SLC23A2: variants seen among roughly 807,000 people sequenced by gnomAD.
SLC23A2 encodes solute carrier family 23 member 2.
A neutral mutation model predicts 73.3 loss-of-function variants in SLC23A2; 36 were observed. The ratio of observed to expected loss-of-function variants is 0.49; its 90% CI spans 0.38 to 0.65. The LOEUF (loss-of-function observed/expected upper bound fraction) is 0.65, where lower values mean the gene tolerates loss of function less well. Ranked by LOEUF, SLC23A2 falls within the 30% of genes least tolerant of loss-of-function variation. SLC23A2 has a pLI of 0.00. For missense variants in SLC23A2, 507 were observed against 841.6 expected (o/e 0.60, Z 4.92); for synonymous variants, 343 against 327.3 (o/e 1.05, Z -0.52).
intron 4 of SLC23A2, among the ~76,000 whole-genome samples, chr20:4,910,744 A>C (rs1409967868): frequency 1.3e-5 from 2 of 152,142 alleles, no homozygotes; most frequent in African/African-American, 4.8e-5. Context: ...CCCAACTAGC[A>C]CTATTTAATA....
intron 6 of SLC23A2, among the ~76,000 whole-genome samples, chr20:4,891,781 G>A (rs530972827): frequency 5.9e-5 from 9 of 152,294 alleles, no homozygotes; most frequent in East Asian, 1.9e-4. Flanking sequence ...ACAGGGTATC[G>A]CTCTGTCACT....
intron 1 of SLC23A2, among the ~76,000 whole-genome samples, chr20:4,989,636 A>G (rs2087893148): frequency 8.2e-6 from 1 of 122,626 alleles, no homozygotes; most frequent in African/African-American, 2.7e-5. Flanking sequence ...TGATCTTGCC[A>G]CTATACTTCA....
intron 6 of SLC23A2, among the ~76,000 whole-genome samples, chr20:4,896,795 G>A (rs894056954): frequency 1.3e-5 from 2 of 152,196 alleles, no homozygotes; most frequent in Non-Finnish European, 2.9e-5. Flanking sequence ...ACAGCCCCGG[G>A]GGCGAGTCCC....
At chr20:4,974,263 G>C (rs1406004078) in intron 1 of SLC23A2, among the ~76,000 whole-genome samples, 1 of 151,992 alleles carries the variant, frequency 6.6e-6, no homozygotes, top group East Asian at 1.9e-4. Flanking sequence ...CTGAGGTCAG[G>C]AGTTGGTCAG....
intron 2 of SLC23A2, among the ~76,000 whole-genome samples, chr20:4,964,507 G>A (rs2122196608): frequency 6.6e-6 from 1 of 152,262 alleles, no homozygotes; most frequent in South Asian, 2.1e-4. Flanking sequence ...ATAGAGGACT[G>A]GTTGGTACAA....
Position 4,862,972 on chromosome 20 carries a change from TA to T in SLC23A2, c.1357-66del. 6.5e-7 allele frequency: 1 copy of T among 1,530,508 alleles called. No homozygotes were observed. The highest frequency in any genetic ancestry group is 8.9e-7 in the Non-Finnish European group (1 of 1,118,242). 94.8% of individuals were successfully genotyped at this position (1,530,508 alleles called of 1,614,324 possible). ...TCCATGCAAAATCACCGTAAGTTAC[TA>T]AAGAACACACAGCAGAGATACCCAT... is the stretch of plus-strand genomic sequence containing the variant. On this transcript the variant is annotated intron_variant, in intron 13 of 16. Transcript: ENST00000338244. The surrounding 1 kb of genome is among the most constrained non-coding windows in gnomAD (Gnocchi z 5.1).
At chr20:4,964,281 C>G (rs2087439219) in intron 2 of SLC23A2, among the ~76,000 whole-genome samples, 1 of 152,166 alleles carries the variant, frequency 6.6e-6, no homozygotes, top group African/African-American at 2.4e-5. Context: ...AGGCGTGAAC[C>G]ACTGCACCCA....
At chr20:5,007,504 C>T (rs924257775) in intron 1 of SLC23A2, among the ~76,000 whole-genome samples, 1 of 152,174 alleles carries the variant, frequency 6.6e-6, no homozygotes, top group Non-Finnish European at 1.5e-5. Flanking sequence ...GCGCACCAAC[C>T]TGGGCAATAG....
At chr20:4,962,087 T>C (rs2087400126) in intron 2 of SLC23A2, among the ~76,000 whole-genome samples, 1 of 150,784 alleles carries the variant, frequency 6.6e-6, no homozygotes, top group Admixed American at 6.6e-5. Flanking sequence ...AGGCTGGGAA[T>C]GGGATTGGAC....
chr20:4,975,207 C>T (rs1449813746), intron 1 of SLC23A2, among the ~76,000 whole-genome samples: 1 of 152,102 alleles, frequency 6.6e-6, no homozygotes, highest in Non-Finnish European at 1.5e-5. Context: ...CAGCCTTCCT[C>T]GTAAGAAATG....
chr20:5,007,511 A>G (rs1253438590), intron 1 of SLC23A2, among the ~76,000 whole-genome samples: 1 of 152,248 alleles, frequency 6.6e-6, no homozygotes, highest in African/African-American at 2.4e-5. Flanking sequence ...AACCTGGGCA[A>G]TAGAGCAAGA....
At chr20:4,903,292 C>T (rs989727606) in intron 4 of SLC23A2, among the ~76,000 whole-genome samples, 4 of 152,108 alleles carry the variant, frequency 2.6e-5, no homozygotes, top group Non-Finnish European at 5.9e-5. Flanking sequence ...AGAGTCCAGC[C>T]TCTTCCAATC....
intron 6 of SLC23A2, among the ~76,000 whole-genome samples, chr20:4,891,037 C>T (rs1328491351): frequency 6.6e-6 from 1 of 152,100 alleles, no homozygotes; most frequent in Non-Finnish European, 1.5e-5. Context: ...AAAAACTCCC[C>T]AAATTTAAAA....
chr20:4,946,753 T>C (rs1407246438), intron 2 of SLC23A2, among the ~76,000 whole-genome samples: 1 of 152,172 alleles, frequency 6.6e-6, no homozygotes, highest in African/African-American at 2.4e-5. Flanking sequence ...TCATGGTATC[T>C]AGGTGACAAG....
chr20:4,989,314 C>T (rs1386447021), intron 1 of SLC23A2, among the ~76,000 whole-genome samples: 1 of 151,444 alleles, frequency 6.6e-6, no homozygotes, highest in Non-Finnish European at 1.5e-5. Context: ...TTTGCAGCTA[C>T]AAGTTAAGTA....
intron 11 of SLC23A2, 145 bp downstream of exon 11, chr20:4,873,791 T>C (rs1930544735): frequency 4.2e-6 from 3 of 710,330 alleles, no homozygotes; most frequent in African/African-American, 3.7e-5. Context: ...GGGCCTCCCT[T>C]ACTTGCTGTC....
chr20:4,896,352 G>A (rs1164132657), intron 6 of SLC23A2, among the ~76,000 whole-genome samples: 2 of 152,146 alleles, frequency 1.3e-5, no homozygotes, highest in Admixed American at 1.3e-4. Context: ...CCAGCTCACT[G>A]CCCACCTGCT....
At chr20:5,004,048 C>G (rs2088163361), upstream of SLC23A2, among the ~76,000 whole-genome samples, 1 of 152,046 alleles carries the variant, frequency 6.6e-6, no homozygotes, top group Non-Finnish European at 1.5e-5. Context: ...CTCCCCTGCC[C>G]TCTCCTTCTC....
At chr20:4,980,956 C>T (rs143021142) in intron 1 of SLC23A2, among the ~76,000 whole-genome samples, 162 of 152,276 alleles carry the variant, frequency 1.1e-3, no homozygotes, top group Non-Finnish European at 2.2e-3. Flanking sequence ...ACACCAGTCC[C>T]GATATTTTTC....
Sources: allele counts gnomAD v4.1 joint callset (sites outside exome capture counted in the v4.1 genomes callset), GRCh38; gene constraint gnomAD v4.1.1; non-coding constraint Gnocchi (gnomAD v3.1); transcripts MANE v1.5; gene names NCBI Gene and HGNC (gene_info 2026-07-23, HGNC 2026-07-21).